The following TBCA variants were observed in gnomAD, a reference collection of about 807,000 sequenced individuals.
TBCA encodes tubulin folding cofactor A.
TBCA carries 6 observed loss-of-function variants against 15.8 expected under a neutral mutation model. That is an observed-to-expected ratio of 0.38 (90% CI 0.21 to 0.75). The LOEUF is 0.75. Among genes scored for constraint, TBCA ranks in the 30% least tolerant of loss-of-function variants. TBCA has a pLI of 0.46. For synonymous variants in TBCA, 32 were observed against 42.3 expected (o/e 0.76, Z 0.94); for missense variants, 90 against 131.2 (o/e 0.69, Z 1.53).
chr5:77,761,792 C>A (rs1747648867), intron 1 of TBCA, among the ~76,000 whole-genome samples: 1 of 151,644 alleles, frequency 6.6e-6, no homozygotes, highest in Non-Finnish European at 1.5e-5. Flanking sequence ...CCATCAAGGA[C>A]TTTGTTTTTG....
intron 1 of TBCA, among the ~76,000 whole-genome samples, chr5:77,765,865 A>G (rs1747759887): frequency 7.2e-6 from 1 of 138,860 alleles, no homozygotes; most frequent in Non-Finnish European, 1.6e-5. Context: ...CATTTGTACA[A>G]GTGAAAAACT....
At position 77,718,697 on chromosome 5, in the gene TBCA, C is replaced by G. The variant is rs562862153; in HGVS notation, c.54-10350G>C. ...TTATAGTTAAGATGTCAACAGTCAGCAAAACTAAGGAAGAACCTGCTACAG... is the reference window on the plus strand; with the variant it reads ...TTATAGTTAAGATGTCAACAGTCAGGAAAACTAAGGAAGAACCTGCTACAG... On this transcript the variant is annotated intron_variant, in intron 1 of 3. Transcript: ENST00000380377. Among the ~76,000 whole-genome samples, 4 of 152,186 alleles carry G rather than the reference C, an allele frequency of 2.6e-5. No homozygotes were observed. In the East Asian group the frequency reaches 7.7e-4, roughly 29 times the overall value.
Position 77,709,653 on chromosome 5 carries a change from C to T in TBCA, c.54-1306G>A, listed in dbSNP as rs192505648. ...TCCTCAAAAAGTTAAACAGAGTAACCATATGTCCTGACAATTCCATTTCTA... is the reference window on the plus strand; with the variant it reads ...TCCTCAAAAAGTTAAACAGAGTAACTATATGTCCTGACAATTCCATTTCTA... On this transcript the variant is annotated intron_variant, in intron 1 of 3. Coordinates refer to ENST00000380377, the MANE Select transcript of TBCA (RefSeq NM_004607.3). Among the ~76,000 whole-genome samples the T allele has an allele frequency of 2.6e-5, 4 of 152,124 alleles. No individual in the cohort carries two copies. In the East Asian group the frequency reaches 7.7e-4, roughly 29 times the overall value.
intron 1 of TBCA, among the ~76,000 whole-genome samples, chr5:77,755,635 A>ATGTAACTAGCTGGAGT (rs1747456476): frequency 6.6e-6 from 1 of 152,130 alleles, no homozygotes; most frequent in African/African-American, 2.4e-5. Flanking sequence ...CAGACCTAAT[A>ATGTAACTAGCTGGAGT]TGTAACTAGC....
chr5:77,766,036 G>C (rs973228576), intron 1 of TBCA, among the ~76,000 whole-genome samples: 2 of 151,868 alleles, frequency 1.3e-5, no homozygotes, highest in Non-Finnish European at 2.9e-5. Flanking sequence ...TTAAGCACTG[G>C]GACCAAACCT....
At chr5:77,765,680 C>G (rs1023923390) in intron 1 of TBCA, among the ~76,000 whole-genome samples, 1 of 152,174 alleles carries the variant, frequency 6.6e-6, no homozygotes, top group African/African-American at 2.4e-5. Flanking sequence ...ATGACTCTTC[C>G]CCCATGTATC....
At chr5:77,733,845 T>A (rs1355059704) in intron 1 of TBCA, among the ~76,000 whole-genome samples, 1 of 152,158 alleles carries the variant, frequency 6.6e-6, no homozygotes, top group African/African-American at 2.4e-5. Flanking sequence ...CTTCCATAGG[T>A]AGAAATTAGA....
chr5:77,767,937 A>G (rs1747818467), intron 1 of TBCA, among the ~76,000 whole-genome samples: 1 of 152,220 alleles, frequency 6.6e-6, no homozygotes, highest in African/African-American at 2.4e-5. Context: ...GTGATTAGGT[A>G]ATGAGGTCTC....
rs146243366 is a variant in TBCA at position 77,755,923 on chromosome 5, G to A, written c.53+20282C>T. On this transcript the variant is annotated intron_variant, in intron 1 of 3. Transcript: ENST00000380377. ...GGAGGCTGAGGCGGGAGGATAGCTC[G>A]AACCCGGGAGGCGGAGGTTGCGGTG... is the stretch of plus-strand genomic sequence containing the variant. Among the ~76,000 whole-genome samples, 826 of 152,202 alleles carry A rather than the reference G, an allele frequency of 5.4e-3. 2 individuals are homozygous for A. The highest frequency in any genetic ancestry group is 0.019 in the African/African-American group (770 of 41,554).
chr5:77,692,870 A>T, intron 3 of TBCA: 1 of 1,139,112 alleles, frequency 8.8e-7, no homozygotes, highest in Non-Finnish European at 1.1e-6. Context: ...AGAATTCAAG[A>T]TCCTTTTAAT....
chr5:77,703,645 C>T (rs918983515), intron 2 of TBCA, among the ~76,000 whole-genome samples: 2 of 152,102 alleles, frequency 1.3e-5, no homozygotes, highest in African/African-American at 2.4e-5. Flanking sequence ...GGCATGATCA[C>T]GGCTCACTGC....
At chr5:77,766,823 T>G (rs1747789148) in intron 1 of TBCA, among the ~76,000 whole-genome samples, 1 of 152,200 alleles carries the variant, frequency 6.6e-6, no homozygotes, top group Non-Finnish European at 1.5e-5. Context: ...AAGCAAACTT[T>G]TATTTCCAGT....
At chr5:77,711,593 G>C (rs1379483439) in intron 1 of TBCA, among the ~76,000 whole-genome samples, 1 of 152,106 alleles carries the variant, frequency 6.6e-6, no homozygotes, top group Non-Finnish European at 1.5e-5. Context: ...TTTAAAGATA[G>C]AAATATATAT....
At chr5:77,724,177 T>C (rs1244303489) in intron 1 of TBCA, among the ~76,000 whole-genome samples, 4 of 152,084 alleles carry the variant, frequency 2.6e-5, no homozygotes, top group Non-Finnish European at 5.9e-5. Context: ...TTACTAGAGT[T>C]AGTCAAGCAA....
intron 1 of TBCA, among the ~76,000 whole-genome samples, chr5:77,725,250 T>C (rs927099726): frequency 6.6e-6 from 1 of 152,200 alleles, no homozygotes; most frequent in Non-Finnish European, 1.5e-5. Context: ...TTCTGCTCAT[T>C]CTACTAATCT....
Position 77,711,923 on chromosome 5 carries a change from A to G in TBCA, c.54-3576T>C, listed in dbSNP as rs541597190. Among the ~76,000 whole-genome samples the G allele has an allele frequency of 6.6e-4, 100 of 152,264 alleles. 1 individual carries two copies. In the South Asian group the frequency reaches 0.02, roughly 31 times the overall value. On this transcript the variant is annotated intron_variant, in intron 1 of 3. Coordinates refer to ENST00000380377, the MANE Select transcript of TBCA (RefSeq NM_004607.3). ...TTTGCTTAAAAAGTCATATTTTGTG[A>G]AAAGGCCCAGGAAACAAGTTATTGA...
At chr5:77,753,320 C>T (rs1747399378) in intron 1 of TBCA, among the ~76,000 whole-genome samples, 1 of 152,190 alleles carries the variant, frequency 6.6e-6, no homozygotes, top group Non-Finnish European at 1.5e-5. Context: ...TTCTTTAAGT[C>T]AATTGATTAG....
At chr5:77,738,707 C>T (rs1023407883) in intron 1 of TBCA, among the ~76,000 whole-genome samples, 2 of 152,126 alleles carry the variant, frequency 1.3e-5, no homozygotes, top group Non-Finnish European at 2.9e-5. Flanking sequence ...CTTAGCCTTC[C>T]GAGTAGCTGG....
chr5:77,760,970 A>G (rs1747613245), intron 1 of TBCA, among the ~76,000 whole-genome samples: 1 of 146,902 alleles, frequency 6.8e-6, no homozygotes, highest in Non-Finnish European at 1.5e-5. Flanking sequence ...ATCGTCTGGG[A>G]AGTGAGGAGC....
Sources: gnomAD v4.1 joint callset for allele counts (sites outside exome capture counted in the v4.1 genomes callset) on GRCh38, gnomAD v4.1.1 for gene constraint, MANE v1.5 for transcripts, NCBI Gene and HGNC (gene_info 2026-07-23, HGNC 2026-07-21) for gene names.